The following RHPN2 variants were observed in gnomAD, a reference collection of about 807,000 sequenced individuals.
RHPN2 encodes rhophilin-2.
Under a neutral mutation model 79.0 loss-of-function variants are expected in RHPN2, and 40 were observed. The ratio of observed to expected loss-of-function variants is 0.51; its 90% CI spans 0.39 to 0.66. The LOEUF is 0.66. Ranked by LOEUF, RHPN2 falls within the 30% of genes least tolerant of loss-of-function variation. The probability of loss-of-function intolerance (pLI) is 0.00; values close to 1 mark genes in which losing one functional copy is unlikely to be tolerated. For synonymous variants in RHPN2, 285 were observed against 363.5 expected, an observed-to-expected ratio of 0.78 and a Z score of 2.46; for missense variants, 686 against 883.5, an observed-to-expected ratio of 0.78 and a Z score of 2.83.
chr19:33,023,079 C>T (rs1008647915), intron 3 of RHPN2, among the ~76,000 whole-genome samples: 3 of 152,124 alleles, frequency 2.0e-5, no homozygotes, highest in Non-Finnish European at 4.4e-5. Context: ...TTCTTTCCCA[C>T]CTACCTCCTA....
intron 1 of RHPN2, among the ~76,000 whole-genome samples, chr19:33,057,825 A>G (rs1467986035): frequency 1.3e-5 from 2 of 152,034 alleles, no homozygotes; most frequent in Non-Finnish European, 2.9e-5. Context: ...GGCTCTGTAC[A>G]GCCAAGTCAT....
chr19:33,046,270 G>T (rs1433852646), intron 1 of RHPN2, among the ~76,000 whole-genome samples: 1 of 151,886 alleles, frequency 6.6e-6, no homozygotes, highest in Non-Finnish European at 1.5e-5. Context: ...TTTTATTTTT[G>T]ATTCTGTTTT....
chr19:33,011,391 C>T (rs1361476374), intron 6 of RHPN2, among the ~76,000 whole-genome samples: 1 of 152,162 alleles, frequency 6.6e-6, no homozygotes, highest in Non-Finnish European at 1.5e-5. Context: ...TTCAGAGCCC[C>T]CGTGCTTCCC....
chr19:32,987,171 C>A (rs1599805977), intron 14 of RHPN2, among the ~76,000 whole-genome samples: 1 of 152,146 alleles, frequency 6.6e-6, no homozygotes, highest in Admixed American at 6.6e-5. Flanking sequence ...AGCCAGCATG[C>A]CAAGACACCA....
Position 32,996,150 on chromosome 19 carries a change from C to A in RHPN2, c.1296G>T (p.Lys432Asn). The A allele has an allele frequency of 3.1e-6, 5 of 1,614,200 alleles. No homozygotes were observed. Among genetic ancestry groups the A allele is most frequent in the Non-Finnish European group, 4.2e-6 (5 of 1,180,030 alleles). The change falls in exon 11 of 15, where the codon AAG (lysine) becomes AAT (asparagine). Residue 432 changes from lysine to asparagine, a missense_variant. Transcript: ENST00000254260. Reference sequence around the variant, plus strand: ...TCTGTAGCACCTCAATGCTCCGCAGCTTCTTGCAGAGGCTGGCCTCCCGCA... The same window carrying A: ...TCTGTAGCACCTCAATGCTCCGCAGATTCTTGCAGAGGCTGGCCTCCCGCA... Reference protein sequence around the residue: ...ESVREASLCKKLRSIEVLQKV... With the variant: ...ESVREASLCKNLRSIEVLQKV...
intron 1 of RHPN2, among the ~76,000 whole-genome samples, chr19:33,059,230 C>T (rs1191815541): frequency 6.6e-6 from 1 of 152,092 alleles, no homozygotes; most frequent in Admixed American, 6.6e-5. Context: ...GGCCCCATCC[C>T]CAGCTCACCT....
At chr19:33,045,640 AT>A (rs2145264259) in intron 1 of RHPN2, among the ~76,000 whole-genome samples, 1 of 151,852 alleles carries the variant, frequency 6.6e-6, no homozygotes, top group East Asian at 2.0e-4. Context: ...CGCCTGGCTA[AT>A]TTTTGTATTT....
chr19:33,055,819 T>C (rs1358889017), intron 1 of RHPN2, among the ~76,000 whole-genome samples: 1 of 151,408 alleles, frequency 6.6e-6, no homozygotes, highest in South Asian at 2.1e-4. Flanking sequence ...ACAGGGACCA[T>C]AAACCAGGAC....
chr19:33,023,784 CAAAAAAA>C (rs61273503), intron 3 of RHPN2, among the ~76,000 whole-genome samples: 3 of 110,578 alleles, frequency 2.7e-5, no homozygotes, highest in African/African-American at 9.2e-5. Flanking sequence ...GACTCCATCT[CAAAAAAA>C]AAAAAAAAGA....
chr19:32,981,702 T>C (rs1043841511), intron 14 of RHPN2, among the ~76,000 whole-genome samples: 1 of 142,378 alleles, frequency 7.0e-6, no homozygotes, highest in African/African-American at 2.9e-5. Flanking sequence ...TTTTTTTTCT[T>C]TTTCCTTTTT....
rs745316274 is a variant in RHPN2, at chr19:33,011,722, G to A, written c.550C>T (p.Arg184Ter). 6.2e-7 allele frequency: 1 copy of A among 1,613,814 alleles called. No homozygotes were observed. The highest frequency in any genetic ancestry group is 1.3e-5 in the African/African-American group (1 of 74,916). Reference sequence around the variant, plus strand: ...ATCTGCCGTGTGGGCGGGAAGAATCGACTCTCGACAAAGCCCAGCTGGATG... The same window carrying A: ...ATCTGCCGTGTGGGCGGGAAGAATCAACTCTCGACAAAGCCCAGCTGGATG... ...YFIQLGFVES[R>*]FFPPTRQMGL... Residue 184 changes from arginine (R) to a stop codon, truncating the protein, a stop_gained, in exon 6 of 15, where the codon CGA becomes TGA. Coordinates refer to ENST00000254260, the MANE Select transcript of RHPN2 (RefSeq NM_033103.5). LOFTEE classifies it high-confidence loss of function.
At chr19:33,041,624 CA>C (rs1175381327) in intron 2 of RHPN2, among the ~76,000 whole-genome samples, 1 of 152,152 alleles carries the variant, frequency 6.6e-6, no homozygotes, top group African/African-American at 2.4e-5. Flanking sequence ...ACAAGGCACA[CA>C]AAACTGCCCT....
chr19:33,051,701 TTACAAAGTGAGAAAGTG>T (rs1195632862), intron 1 of RHPN2: 1 of 199,852 alleles, frequency 5.0e-6, no homozygotes, highest in African/African-American at 2.4e-5. Flanking sequence ...TACAAGTTTC[TTACAAAGTGAGAAAGTG>T]GCTGTCTAAA....
At chr19:33,018,170 C>T (rs1410960859) in intron 4 of RHPN2, among the ~76,000 whole-genome samples, 2 of 151,232 alleles carry the variant, frequency 1.3e-5, no homozygotes, top group African/African-American at 4.9e-5. Context: ...TATATATACA[C>T]ACACAAAAAT....
chr19:33,002,677 C>G (rs963413384), intron 8 of RHPN2, 136 bp downstream of exon 8: 3 of 944,564 alleles, frequency 3.2e-6, no homozygotes, highest in African/African-American at 1.6e-5. Flanking sequence ...AAAACTCAAG[C>G]CAGCAGTACT....
intron 4 of RHPN2, among the ~76,000 whole-genome samples, chr19:33,020,203 C>A (rs1971911991): frequency 6.6e-6 from 1 of 152,084 alleles, no homozygotes; most frequent in Non-Finnish European, 1.5e-5. Context: ...AGGAATGTGG[C>A]TGGGGGACAC....
intron 4 of RHPN2, among the ~76,000 whole-genome samples, chr19:33,019,925 A>C (rs1276527063): frequency 6.6e-6 from 1 of 152,110 alleles, no homozygotes; most frequent in East Asian, 1.9e-4. Flanking sequence ...TGGAATTTGG[A>C]GGTGACTGGT....
chr19:32,983,998 A>G (rs1267593678), intron 14 of RHPN2, among the ~76,000 whole-genome samples: 1 of 152,144 alleles, frequency 6.6e-6, no homozygotes, highest in African/African-American at 2.4e-5. Flanking sequence ...TAGAACTCTT[A>G]GGGCTTTACA....
chr19:32,990,482 C>T (rs7250684), intron 14 of RHPN2, 32 bp downstream of exon 14: 1,203,816 of 1,611,500 alleles, frequency 0.75, 453,113 homozygotes, highest in African/African-American at 0.95. Context: ...TCCACGCCAC[C>T]ACTGACTGCC....
Sources: allele counts gnomAD v4.1 joint callset (sites outside exome capture counted in the v4.1 genomes callset), GRCh38; gene constraint gnomAD v4.1.1; transcripts MANE v1.5; gene names NCBI Gene and HGNC (gene_info 2026-07-23, HGNC 2026-07-21).